The following IRF2 variants were observed in gnomAD, a reference collection of about 807,000 sequenced individuals.
The protein encoded by IRF2 is interferon regulatory factor 2.
Under a neutral mutation model 40.6 loss-of-function variants are expected in IRF2, and 15 were observed. That is an observed-to-expected ratio of 0.37 (90% CI 0.25 to 0.57). The LOEUF (loss-of-function observed/expected upper bound fraction) is 0.57, where lower values mean the gene tolerates loss of function less well. Among genes scored for constraint, IRF2 ranks in the 20% least tolerant of loss-of-function variants. IRF2 has a pLI of 0.77. For missense variants in IRF2, 317 were observed against 455.7 expected (o/e 0.70, Z 2.77); for synonymous variants, 151 against 165.5 (o/e 0.91, Z 0.67).
intron 6 of IRF2, among the ~76,000 whole-genome samples, chr4:184,404,057 A>C (rs1216629177): frequency 1.3e-5 from 2 of 152,218 alleles, no homozygotes; most frequent in African/African-American, 4.8e-5. Flanking sequence ...CCACCTGAGA[A>C]AGCAACTTGC....
At chr4:184,465,464 G>A (rs1316196429) in intron 1 of IRF2, among the ~76,000 whole-genome samples, 1 of 144,626 alleles carries the variant, frequency 6.9e-6, no homozygotes, top group Non-Finnish European at 1.5e-5. Flanking sequence ...TTTAAATTTG[G>A]AAAATACAAA....
At position 184,388,673 on chromosome 4, in the gene IRF2, G is replaced by C; in HGVS notation, c.*85C>G. ...TTTTCCCTTAGATTTGTCTAAAATA[G>C]GTGTCAGAGAGAAAAAAATAAAATA... On this transcript the variant is annotated 3_prime_UTR_variant, in exon 9 of 9. Transcript: ENST00000393593. The surrounding 1 kb of genome is among the most constrained non-coding windows in gnomAD (Gnocchi z 4.6). The C allele has an allele frequency of 7.5e-7, 1 of 1,338,004 alleles. No homozygotes were observed. Among genetic ancestry groups the C allele is most frequent in the Admixed American group, 2.2e-5 (1 of 44,614 alleles). The allele number at this position is 1,338,004 out of a possible 1,614,324, so 82.9% of individuals were successfully genotyped here. A position where few individuals can be genotyped will look rare whatever the true frequency, so the allele number is the denominator to read the frequency against.
At chr4:184,457,818 G>A (rs1738998390) in intron 1 of IRF2, among the ~76,000 whole-genome samples, 1 of 150,800 alleles carries the variant, frequency 6.6e-6, no homozygotes, top group Non-Finnish European at 1.5e-5. Context: ...AAATGCACAG[G>A]GGAAAATGTT....
chr4:184,394,876 C>A (rs1308273778), intron 7 of IRF2, among the ~76,000 whole-genome samples: 1 of 152,174 alleles, frequency 6.6e-6, no homozygotes, highest in African/African-American at 2.4e-5. Flanking sequence ...TTGAAATGTC[C>A]CTCCCTAGTA....
chr4:184,451,035 C>A (rs377344955), intron 1 of IRF2, among the ~76,000 whole-genome samples: 2 of 152,210 alleles, frequency 1.3e-5, no homozygotes, highest in African/African-American at 4.8e-5. Context: ...AGTTTACCTC[C>A]TCCATTTCTT....
At chr4:184,450,377 A>G (rs777393018) in intron 1 of IRF2, among the ~76,000 whole-genome samples, 1 of 152,238 alleles carries the variant, frequency 6.6e-6, no homozygotes, top group East Asian at 1.9e-4. Flanking sequence ...ATCACGCTAC[A>G]CGAAAAATCA....
chr4:184,406,168 G>A (rs1356868047), intron 6 of IRF2, among the ~76,000 whole-genome samples: 1 of 151,988 alleles, frequency 6.6e-6, no homozygotes, highest in African/African-American at 2.4e-5. Context: ...ACAGCTGACA[G>A]CATGGGTGAT....
chr4:184,452,786 A>AAAAAAAAAAAAAAAAAC (rs1738768074), intron 1 of IRF2, among the ~76,000 whole-genome samples: 1 of 149,294 alleles, frequency 6.7e-6, no homozygotes. Context: ...AAAAAAAAAA[A>AAAAAAAAAAAAAAAAAC]AAAAAAAAAG....
chr4:184,419,157 G>A (rs757870017), intron 3 of IRF2, among the ~76,000 whole-genome samples: 3 of 151,882 alleles, frequency 2.0e-5, no homozygotes, highest in Non-Finnish European at 4.4e-5. Flanking sequence ...TACCTTTTTG[G>A]GGGGGAGATA....
chr4:184,461,780 G>T (rs1274304108), intron 1 of IRF2, among the ~76,000 whole-genome samples: 1 of 143,046 alleles, frequency 7.0e-6, no homozygotes, highest in Non-Finnish European at 1.5e-5. Context: ...GCACCTGTAA[G>T]TTAAGTAAAT....
chr4:184,468,891 T>C (rs1403381607), intron 1 of IRF2, among the ~76,000 whole-genome samples: 1 of 152,096 alleles, frequency 6.6e-6, no homozygotes, highest in Non-Finnish European at 1.5e-5. Flanking sequence ...ACAGGTTCTG[T>C]CTCCTGAGGA....
At chr4:184,417,636 G>T (rs1737327648) in intron 5 of IRF2, among the ~76,000 whole-genome samples, 1 of 152,234 alleles carries the variant, frequency 6.6e-6, no homozygotes, top group African/African-American at 2.4e-5. Context: ...CCCTTGTGGG[G>T]TGTGAGAGAT....
At chr4:184,395,620 C>G (rs1736426699) in intron 7 of IRF2, among the ~76,000 whole-genome samples, 2 of 152,198 alleles carry the variant, frequency 1.3e-5, no homozygotes, top group African/African-American at 4.8e-5. Context: ...TAGCTACAGT[C>G]AGTAGCAGGG....
chr4:184,428,748 A>G, intron 2 of IRF2: 1 of 568,052 alleles, frequency 1.8e-6, no homozygotes, highest in African/African-American at 1.8e-5. Flanking sequence ...GCAGTGAGTT[A>G]TGACTGCACC....
intron 7 of IRF2, 87 bp from the exon 8 acceptor site, chr4:184,390,836 G>A: frequency 1.4e-6 from 2 of 1,385,740 alleles, no homozygotes; most frequent in Non-Finnish European, 1.0e-6. Context: ...AAAGGAGACT[G>A]AGTAACTAAA....
chr4:184,398,642 C>G (rs915641970), intron 7 of IRF2, among the ~76,000 whole-genome samples: 1 of 148,222 alleles, frequency 6.7e-6, no homozygotes, highest in South Asian at 2.1e-4. Flanking sequence ...GGAGACAGAG[C>G]GAGACTCTGT....
At chr4:184,403,354 T>C (rs1561088248) in intron 6 of IRF2, among the ~76,000 whole-genome samples, 1 of 152,058 alleles carries the variant, frequency 6.6e-6, no homozygotes, top group Admixed American at 6.6e-5. Context: ...TCCTGACAGG[T>C]GAAAAGACAG....
intron 7 of IRF2, among the ~76,000 whole-genome samples, chr4:184,392,904 C>G (rs1269112086): frequency 6.6e-6 from 1 of 152,048 alleles, no homozygotes; most frequent in Non-Finnish European, 1.5e-5. Context: ...GGCATGTTTC[C>G]CCAAAACACC....
Position 184,390,740 on chromosome 4 carries a change from G to A in IRF2, c.704C>T (p.Thr235Met), listed in dbSNP as rs779259983. The stretch of plus-strand genomic sequence containing the variant: ...TTCATCGCTGGGCACACTATCAGTC[G>A]TTTCGCTTTCTGTTCACAGAGAGAA... ...SPVSSYAESE[T>M]TDSVPSDEES... The change falls in exon 8 of 9, where the codon ACG becomes ATG. Residue 235 changes from threonine to methionine, a missense_variant. Physicochemically the swap from Thr to Met is moderately conservative, Grantham distance 81. This residue lies in a region of IRF2 where 262 missense variants were observed against 334.0 expected (regional missense o/e 0.78). Coordinates refer to ENST00000393593, the MANE Select transcript of IRF2 (RefSeq NM_002199.4). 42 of 1,614,152 alleles carry A rather than the reference G, an allele frequency of 2.6e-5. No homozygotes were observed. The highest frequency in any genetic ancestry group is 3.3e-5 in the South Asian group (3 of 91,088).
Sources: gnomAD v4.1 joint callset for allele counts (sites outside exome capture counted in the v4.1 genomes callset) on GRCh38, gnomAD v4.1.1 for gene constraint, gnomAD v4.1.1 regional missense constraint, Gnocchi (gnomAD v3.1) non-coding constraint, MANE v1.5 for transcripts, NCBI Gene and HGNC (gene_info 2026-07-23, HGNC 2026-07-21) for gene names.